PCBP3: variants seen among roughly 807,000 people sequenced by gnomAD.
The protein encoded by PCBP3 is poly(rC) binding protein 3, also known as poly(rC)-binding protein 3.
In PCBP3, 25 loss-of-function variants were observed where a neutral mutation model predicts 52.7. The observed-to-expected ratio is 0.47, with a 90% CI of 0.35 to 0.66. PCBP3 has a LOEUF of 0.66. PCBP3 is among the 30% of genes least tolerant of loss of function. The probability of loss-of-function intolerance (pLI) is 0.01; values close to 1 mark genes in which losing one functional copy is unlikely to be tolerated. For synonymous variants in PCBP3, 162 were observed against 183.0 expected (o/e 0.89, Z 0.93); for missense variants, 391 against 490.3 (o/e 0.80, Z 1.91).
Position 45,699,166 on chromosome 21 carries a change from T to C in PCBP3, c.-200+30214T>C, listed in dbSNP as rs558332083. 3.6e-4 allele frequency among the ~76,000 whole-genome samples: 55 copies of C among 152,258 alleles called. 1 individual carries two copies. The highest frequency in any genetic ancestry group is 1.3e-3 in the African/African-American group (54 of 41,564). ...AGATGTTAGAGGGTAATAAAAGAAA[T>C]AAAATGGGCATAGACAACCTAATCC... On this transcript the variant is annotated intron_variant, in intron 2 of 17. Transcript: ENST00000681687.
chr21:45,808,857 C>T (rs1199538128), intron 4 of PCBP3, among the ~76,000 whole-genome samples: 3 of 152,086 alleles, frequency 2.0e-5, no homozygotes, highest in East Asian at 1.9e-4. Flanking sequence ...TACTATGCAG[C>T]CATAAAAAAG....
intron 2 of PCBP3, among the ~76,000 whole-genome samples, chr21:45,691,442 A>ATATG (rs531626234): frequency 0.019 from 1,827 of 98,454 alleles, 20 homozygotes; most frequent in Middle Eastern, 0.036. Context: ...TATATCATAT[A>ATATG]TATGTATGTA....
At chr21:45,844,412 G>C (rs1031717604) in intron 4 of PCBP3, among the ~76,000 whole-genome samples, 1 of 152,124 alleles carries the variant, frequency 6.6e-6, no homozygotes, top group Non-Finnish European at 1.5e-5. Context: ...ATGTCACCCA[G>C]CGCAAGGTGA....
chr21:45,684,000 G>A (rs2082007745), intron 2 of PCBP3, among the ~76,000 whole-genome samples: 1 of 149,726 alleles, frequency 6.7e-6, no homozygotes, highest in African/African-American at 2.5e-5. Flanking sequence ...GCTTTGGGAG[G>A]CCATGACAGG....
chr21:45,722,679 G>A (rs1415505339), intron 2 of PCBP3, among the ~76,000 whole-genome samples: 1 of 152,018 alleles, frequency 6.6e-6, no homozygotes, highest in African/African-American at 2.4e-5. Flanking sequence ...TAGCAAAAAT[G>A]TGATCTCATT....
At chr21:45,859,305 C>T (rs7278613) in intron 5 of PCBP3, among the ~76,000 whole-genome samples, 1 of 13,072 alleles carries the variant, frequency 7.6e-5, no homozygotes, top group Non-Finnish European at 1.4e-4. Flanking sequence ...GGCCGGGAGG[C>T]GCTGTGCAGC....
intron 17 of PCBP3, 128 bp from the exon 18 acceptor site, chr21:45,941,542 C>G: frequency 1.6e-5 from 12 of 738,720 alleles, no homozygotes; most frequent in Non-Finnish European, 2.5e-5. Flanking sequence ...CAGCTCAGGA[C>G]CTCCTGAGCT....
chr21:45,718,975 T>C (rs2084419346), intron 2 of PCBP3, among the ~76,000 whole-genome samples: 1 of 152,132 alleles, frequency 6.6e-6, no homozygotes, highest in African/African-American at 2.4e-5. Flanking sequence ...GATATCAAGA[T>C]GCTCTGTAAA....
chr21:45,936,440 T>C (rs2149567666), intron 16 of PCBP3, among the ~76,000 whole-genome samples: 1 of 152,348 alleles, frequency 6.6e-6, no homozygotes, highest in African/African-American at 2.4e-5. Flanking sequence ...CCAGGCAGCA[T>C]TGTGGTCCAG....
intron 4 of PCBP3, among the ~76,000 whole-genome samples, chr21:45,834,121 C>A (rs970580579): frequency 5.3e-5 from 8 of 152,148 alleles, no homozygotes; most frequent in African/African-American, 1.9e-4. Flanking sequence ...AGACTGCCAC[C>A]GATTCACGAG....
chr21:45,834,159 C>T (rs547855575), intron 4 of PCBP3, among the ~76,000 whole-genome samples: 14 of 152,186 alleles, frequency 9.2e-5, no homozygotes, highest in Admixed American at 2.6e-4. Flanking sequence ...TCTGGGTCTA[C>T]GTGGAAGTTG....
At chr21:45,870,313 G>A (rs868279786) in intron 5 of PCBP3, among the ~76,000 whole-genome samples, 10 of 152,078 alleles carry the variant, frequency 6.6e-5, no homozygotes, top group South Asian at 2.1e-4. Flanking sequence ...ATATTAAGAC[G>A]CTGAAAGAAA....
chr21:45,819,763 G>C (rs772087394), intron 4 of PCBP3, among the ~76,000 whole-genome samples: 1 of 152,248 alleles, frequency 6.6e-6, no homozygotes, highest in Non-Finnish European at 1.5e-5. Flanking sequence ...GCAGCTGCTG[G>C]GCGCCTCTGT....
intron 3 of PCBP3, among the ~76,000 whole-genome samples, chr21:45,751,245 A>G (rs530117781): frequency 1.6e-4 from 24 of 152,188 alleles, no homozygotes; most frequent in Middle Eastern, 3.4e-3. Context: ...TTCCATATGT[A>G]TGTTTTCTGT....
In PCBP3 at chr21:45,941,939, C is replaced by T. The variant is rs1213726672; in HGVS notation, c.*233C>T. 7.0e-6 allele frequency: 3 copies of T among 426,248 alleles called. No individual in the cohort carries two copies. Among genetic ancestry groups the T allele is most frequent in the Non-Finnish European group, 4.1e-6 (1 of 242,650 alleles). 26.4% of individuals were successfully genotyped at this position (426,248 alleles called of 1,614,324 possible). A position where few individuals can be genotyped will look rare whatever the true frequency, so the allele number is the denominator to read the frequency against. On this transcript the variant is annotated 3_prime_UTR_variant, in exon 18 of 18. Transcript: ENST00000681687. ...AGTGTTATTTTATTTATGACTTACG[C>T]TCCCGTCTGCCCATGCACCGGCATG... is the stretch of plus-strand genomic sequence containing the variant.
At position 45,837,170 on chromosome 21, in the gene PCBP3, G is replaced by A. The variant is rs1435806906; in HGVS notation, c.-125-12791G>A. On this transcript the variant is annotated intron_variant, in intron 4 of 17. Coordinates refer to ENST00000681687, the MANE Select transcript of PCBP3 (RefSeq NM_001384156.1). This position sits in a 1 kb window ranked among gnomAD's most constrained non-coding sequence, Gnocchi z 4.1. ...TCCCCCAGCAGCGTGTTAGCGCCAC[G>A]GATGATCTACAGTCCACCAACATTC... Among the ~76,000 whole-genome samples, 3 of 152,326 alleles carry A rather than the reference G, an allele frequency of 2.0e-5. No individual in the cohort carries two copies. The highest frequency in any genetic ancestry group is 2.1e-4 in the South Asian group (1 of 4,828).
chr21:45,652,870 C>T (rs1161098049), intron 1 of PCBP3, among the ~76,000 whole-genome samples: 1 of 152,006 alleles, frequency 6.6e-6, no homozygotes, highest in Non-Finnish European at 1.5e-5. Flanking sequence ...TAATTTGCAG[C>T]TTTTCCTTTT....
In PCBP3 at chr21:45,776,353, T is replaced by G. The variant is rs76342928; in HGVS notation, c.-126+20901T>G. Among the ~76,000 whole-genome samples, 3 of 152,238 alleles carry G rather than the reference T, an allele frequency of 2.0e-5. No homozygotes were observed. The East Asian group carries it at 5.8e-4, about 29-fold the overall frequency. ...AGTCCAATTTAAATCTAATGTTTCT[T>G]TGTTGATTTTCTCTCTAGAGTGAAA... On this transcript the variant is annotated intron_variant, in intron 4 of 17. Coordinates refer to ENST00000681687, the MANE Select transcript of PCBP3 (RefSeq NM_001384156.1).
intron 5 of PCBP3, among the ~76,000 whole-genome samples, chr21:45,886,279 G>A (rs1170218965): frequency 2.1e-4 from 11 of 51,806 alleles, no homozygotes; most frequent in African/African-American, 3.5e-4. Context: ...TGCCGCGGGT[G>A]CCAAGGGCAG....
Sources: allele counts gnomAD v4.1 joint callset (sites outside exome capture counted in the v4.1 genomes callset), GRCh38; gene constraint gnomAD v4.1.1; non-coding constraint Gnocchi (gnomAD v3.1); transcripts MANE v1.5; gene names NCBI Gene and HGNC (gene_info 2026-07-23, HGNC 2026-07-21).